The following NPAS3 variants were observed in gnomAD, a reference collection of about 807,000 sequenced individuals.
The protein encoded by NPAS3 is neuronal PAS domain-containing protein 3.
In NPAS3, 14 loss-of-function variants were observed where a neutral mutation model predicts 73.1. That is an observed-to-expected ratio of 0.19 (90% CI 0.13 to 0.30). NPAS3 has a LOEUF of 0.30. Ranked by LOEUF, NPAS3 falls within the 10% of genes least tolerant of loss-of-function variation. The probability of loss-of-function intolerance (pLI) is 1.00; values close to 1 mark genes in which losing one functional copy is unlikely to be tolerated. For missense variants in NPAS3, 1,096 were observed against 1,250.0 expected (o/e 0.88, Z 1.86); for synonymous variants, 620 against 541.5 (o/e 1.14, Z -2.01).
At chr14:33,695,406 A>G (rs73257031) in intron 6 of NPAS3, among the ~76,000 whole-genome samples, 1,661 of 152,290 alleles carry the variant, frequency 0.011, 17 homozygotes, top group African/African-American at 0.035. Flanking sequence ...TAATATTAAG[A>G]GGACAACAGA....
At chr14:33,450,505 GA>G (rs1158981809) in intron 4 of NPAS3, among the ~76,000 whole-genome samples, 1 of 151,822 alleles carries the variant, frequency 6.6e-6, no homozygotes, top group Non-Finnish European at 1.5e-5. Flanking sequence ...GATAGATCCT[GA>G]AAAAAACATC....
intron 6 of NPAS3, among the ~76,000 whole-genome samples, chr14:33,726,511 G>A (rs780791296): frequency 3.9e-5 from 6 of 152,118 alleles, no homozygotes; most frequent in Non-Finnish European, 2.9e-5. Context: ...TCACCCAGAC[G>A]TCCATGACTT....
chr14:33,787,787 A>T (rs1276091811), intron 9 of NPAS3, among the ~76,000 whole-genome samples: 1 of 152,168 alleles, frequency 6.6e-6, no homozygotes, highest in Non-Finnish European at 1.5e-5. Flanking sequence ...GTTTCTGGCT[A>T]TAATTGTGTT....
At chr14:33,385,834 A>C (rs2046752667) in intron 4 of NPAS3, among the ~76,000 whole-genome samples, 2 of 152,210 alleles carry the variant, frequency 1.3e-5, no homozygotes, top group South Asian at 4.2e-4. Context: ...TGGCATGAAG[A>C]GACAGAGGCA....
intron 4 of NPAS3, among the ~76,000 whole-genome samples, chr14:33,556,748 G>A (rs538467782): frequency 6.6e-6 from 1 of 152,308 alleles, no homozygotes; most frequent in Non-Finnish European, 1.5e-5. Flanking sequence ...GCCTCTCTGT[G>A]CCTCAGTTTC....
intron 8 of NPAS3, among the ~76,000 whole-genome samples, chr14:33,775,204 C>G (rs1595591391): frequency 6.6e-6 from 1 of 152,096 alleles, no homozygotes; most frequent in African/African-American, 2.4e-5. Flanking sequence ...AGACCTTTCA[C>G]CTAGAAGTCA....
At chr14:33,681,815 AATG>A (rs1318195047) in intron 6 of NPAS3, among the ~76,000 whole-genome samples, 2 of 152,184 alleles carry the variant, frequency 1.3e-5, no homozygotes, top group African/African-American at 4.8e-5. Context: ...CAAAGTGTCA[AATG>A]ATAGAAAGTT....
At chr14:32,975,330 T>C (rs114098908) in intron 1 of NPAS3, among the ~76,000 whole-genome samples, 1 of 31,710 alleles carries the variant, frequency 3.2e-5, no homozygotes, top group Non-Finnish European at 7.9e-5. Flanking sequence ...CCCTGCCTCC[T>C]TCCCTTTTTA....
chr14:33,345,730 G>A (rs2044697344), intron 3 of NPAS3, among the ~76,000 whole-genome samples: 1 of 152,164 alleles, frequency 6.6e-6, no homozygotes, highest in South Asian at 2.1e-4. Flanking sequence ...AAGGATAAAT[G>A]TGCAGTTCAA....
chr14:32,957,121 G>C (rs2036702060), intron 1 of NPAS3, among the ~76,000 whole-genome samples: 1 of 152,076 alleles, frequency 6.6e-6, no homozygotes, highest in Admixed American at 6.6e-5. Context: ...GTCTGCGTGG[G>C]AAGATTGATC....
At chr14:33,378,583 C>T (rs185864390) in intron 4 of NPAS3, among the ~76,000 whole-genome samples, 3 of 152,068 alleles carry the variant, frequency 2.0e-5, no homozygotes, top group African/African-American at 7.2e-5. Context: ...CTGCAGTGAG[C>T]CAGGAGCGTG....
chr14:33,031,743 C>T (rs982843161), intron 1 of NPAS3, among the ~76,000 whole-genome samples: 1 of 152,242 alleles, frequency 6.6e-6, no homozygotes, highest in African/African-American at 2.4e-5. Flanking sequence ...CAAAGTTAAT[C>T]CCCCTGCCTT....
At chr14:33,310,465 C>A (rs905726237) in intron 3 of NPAS3, among the ~76,000 whole-genome samples, 4 of 152,084 alleles carry the variant, frequency 2.6e-5, no homozygotes, top group Non-Finnish European at 5.9e-5. Context: ...CAGACCCTCA[C>A]GTATTGAAGA....
chr14:33,619,088 G>A (rs557902602), intron 5 of NPAS3, among the ~76,000 whole-genome samples: 5 of 152,170 alleles, frequency 3.3e-5, no homozygotes, highest in South Asian at 4.1e-4. Context: ...ATACTTTAAC[G>A]TATAGATACC....
chr14:33,408,207 GC>G (rs2047752704), intron 4 of NPAS3, among the ~76,000 whole-genome samples: 1 of 151,952 alleles, frequency 6.6e-6, no homozygotes, highest in Admixed American at 6.6e-5. Context: ...TTAAAACTTG[GC>G]TGGTTCTCAG....
At chr14:33,224,304 C>T (rs189254760) in intron 3 of NPAS3, among the ~76,000 whole-genome samples, 1 of 152,276 alleles carries the variant, frequency 6.6e-6, no homozygotes, top group East Asian at 1.9e-4. Flanking sequence ...GAAGGACTCA[C>T]CTCTGACTGC....
intron 2 of NPAS3, among the ~76,000 whole-genome samples, chr14:33,079,609 C>CTTTTTTTTTTTTTTT (rs34920021): frequency 3.6e-5 from 2 of 56,046 alleles, no homozygotes; most frequent in Non-Finnish European, 6.1e-5. Flanking sequence ...TGAGCCAGGC[C>CTTTTTTTTTTTTTTT]TTTTTTTTTT....
At chr14:33,418,152 G>T (rs2048227221) in intron 4 of NPAS3, among the ~76,000 whole-genome samples, 1 of 151,732 alleles carries the variant, frequency 6.6e-6, no homozygotes, top group South Asian at 2.1e-4. Context: ...TCCTCCAAGA[G>T]CATGCCCCTA....
At chr14:33,173,745 T>A (rs2139394795) in intron 2 of NPAS3, among the ~76,000 whole-genome samples, 1 of 152,352 alleles carries the variant, frequency 6.6e-6, no homozygotes, top group African/African-American at 2.4e-5. Flanking sequence ...TGTGTCTTTT[T>A]GATTTATAAA....
Sources: allele counts gnomAD v4.1 joint callset (sites outside exome capture counted in the v4.1 genomes callset), GRCh38; gene constraint gnomAD v4.1.1; transcripts MANE v1.5; gene names NCBI Gene and HGNC (gene_info 2026-07-23, HGNC 2026-07-21).